ARL6IP1: variants seen among roughly 807,000 people sequenced by gnomAD.
ARL6IP1 encodes ARL6 interacting reticulophagy regulator 1.
Under a neutral mutation model 30.1 loss-of-function variants are expected in ARL6IP1, and 16 were observed. The ratio of observed to expected loss-of-function variants is 0.53; its 90% confidence interval spans 0.36 to 0.81. The LOEUF (loss-of-function observed/expected upper bound fraction) is 0.81, where lower values mean the gene tolerates loss of function less well. ARL6IP1 is among the 30% of genes least tolerant of loss of function. The probability of loss-of-function intolerance (pLI) is 0.01; values close to 1 mark genes in which losing one functional copy is unlikely to be tolerated. For missense variants in ARL6IP1, 173 were observed against 242.7 expected, an observed-to-expected ratio of 0.71 and a Z score of 1.91; for synonymous variants, 72 against 84.8, an observed-to-expected ratio of 0.85 and a Z score of 0.83.
chr16:18,796,179 G>A lies in ARL6IP1; in HGVS notation c.291-598C>T, dbSNP rs1239558394. Among the ~76,000 whole-genome samples the A allele has an allele frequency of 2.0e-5, 3 of 152,096 alleles. No individual in the cohort carries two copies. The East Asian group carries it at 5.8e-4, about 29-fold the overall frequency. Reference sequence around the variant, plus strand: ...ACACAGCAGTAAAAATCCAACAAGAGACCCTCCAAGAAAACCTTTTATATT... The same window carrying A: ...ACACAGCAGTAAAAATCCAACAAGAAACCCTCCAAGAAAACCTTTTATATT... On this transcript the variant is annotated intron_variant, in intron 3 of 5. Transcript: ENST00000304414.
intron 2 of ARL6IP1, 119 bp downstream of exon 2, chr16:18,798,582 G>A: frequency 1.9e-6 from 2 of 1,071,822 alleles, no homozygotes; most frequent in Non-Finnish European, 1.3e-6. Flanking sequence ...ATTCTTTATG[G>A]GTTCTTTATG....
In ARL6IP1 at chr16:18,801,527, A is replaced by C. The variant is rs542232029; in HGVS notation, c.-61T>G. ...CCTCCCCAACGAGTCCTCCAACCGA[A>C]ACCCGCACACCAACCACAACCCGAG... On this transcript the variant is annotated 5_prime_UTR_variant, in exon 1 of 6. Transcript: ENST00000304414. The C allele has an allele frequency of 1.9e-6, 3 of 1,591,818 alleles. No individual in the cohort carries two copies. Among genetic ancestry groups the C allele is most frequent in the Admixed American group, 3.6e-5 (2 of 54,800 alleles).
At chr16:18,797,580 G>A (rs2030280459) in intron 3 of ARL6IP1, 1 of 182,246 alleles carries the variant, frequency 5.5e-6, no homozygotes, top group African/African-American at 2.4e-5. Flanking sequence ...GCCTGCCACA[G>A]TAGGCATTTA....
In ARL6IP1 at chr16:18,793,232, C is replaced by A. The variant is rs759546317; in HGVS notation, c.*20G>T. 6.7e-7 allele frequency: 1 copy of A among 1,487,104 alleles called. No homozygotes were observed. The highest frequency in any genetic ancestry group is 9.4e-7 in the Non-Finnish European group (1 of 1,069,076). The allele number at this position is 1,487,104 out of a possible 1,614,324, so 92.1% of individuals were successfully genotyped here. A position where few individuals can be genotyped will look rare whatever the true frequency, so the allele number is the denominator to read the frequency against. The stretch of plus-strand genomic sequence containing the variant: ...GGGGCAATGGGTGCTGCATTAATCA[C>A]ACTGATTAAAGCAGATGAATCATTC... On this transcript the variant is annotated 3_prime_UTR_variant, in exon 6 of 6. Coordinates refer to ENST00000304414, the MANE Select transcript of ARL6IP1 (RefSeq NM_015161.3).
chr16:18,798,603 T>C (rs1489264378), intron 2 of ARL6IP1, 98 bp downstream of exon 2: 1 of 1,346,226 alleles, frequency 7.4e-7, no homozygotes, highest in East Asian at 2.4e-5. Context: ...GGTTATATAT[T>C]ACAGAAGACT....
At chr16:18,798,311 G>T (rs1219742628) in intron 2 of ARL6IP1, 1 of 343,978 alleles carries the variant, frequency 2.9e-6, no homozygotes, top group African/African-American at 2.1e-5. Flanking sequence ...ACTAGGGGAG[G>T]GATAGCATTA....
In ARL6IP1 at chr16:18,793,257, C is replaced by T. The variant is rs369888132; in HGVS notation, c.607G>A (p.Glu203Lys). 109 of 1,601,762 alleles carry T rather than the reference C, an allele frequency of 6.8e-5. No individual in the cohort carries two copies. The highest frequency in any genetic ancestry group is 8.9e-5 in the Non-Finnish European group (104 of 1,171,136). ...KLLKQKEKKN[E>K] ...CACTGATTAAAGCAGATGAATCATT[C>T]GTTTTTCTTTTCTTTTTGTTTGAGA... Residue 203 changes from glutamate (E) to lysine (K), a missense_variant, in exon 6 of 6, where the codon GAA becomes AAA. By Grantham distance (56) the Glu-to-Lys change is moderately conservative. Transcript: ENST00000304414.
chr16:18,797,717 C>A, intron 3 of ARL6IP1: 1 of 480,558 alleles, frequency 2.1e-6, no homozygotes, highest in Admixed American at 3.9e-5. Context: ...TGTATATGTG[C>A]ATTTACCATA....
intron 4 of ARL6IP1, 97 bp downstream of exon 4, chr16:18,795,359 GAATTAACC>G (rs2030198287): frequency 2.8e-6 from 2 of 703,970 alleles, no homozygotes; most frequent in Admixed American, 4.5e-5. Context: ...ATGTACTTAG[GAATTAACC>G]AATGAATAAT....
At chr16:18,797,831 A>C in intron 3 of ARL6IP1, 94 bp downstream of exon 3, 1 of 1,437,888 alleles carries the variant, frequency 7.0e-7, no homozygotes, top group East Asian at 2.4e-5. Flanking sequence ...TGATGGTTAG[A>C]CAATTATCTC....
At chr16:18,797,552 T>C (rs1053829858) in intron 3 of ARL6IP1, among the ~76,000 whole-genome samples, 2 of 152,130 alleles carry the variant, frequency 1.3e-5, no homozygotes, top group Non-Finnish European at 2.9e-5. Flanking sequence ...GTCAAAATAT[T>C]TCACAGTACT....
At chr16:18,797,673 T>G (rs1382133680) in intron 3 of ARL6IP1, 4 of 298,052 alleles carry the variant, frequency 1.3e-5, no homozygotes, top group Non-Finnish European at 2.4e-5. Context: ...GTGAAGTTAT[T>G]ATACTATCCT....
At position 18,792,540 on chromosome 16, in the gene ARL6IP1, T is replaced by C. The variant is rs2030096423; in HGVS notation, c.*712A>G. 2 of 152,302 alleles carry C rather than the reference T, an allele frequency of 1.3e-5. No individual in the cohort carries two copies. Among genetic ancestry groups the C allele is most frequent in the Admixed American group, 1.3e-4 (2 of 15,284 alleles). The allele number at this position is 152,302 out of a possible 1,614,324, so 9.4% of individuals were successfully genotyped here. On this transcript the variant is annotated 3_prime_UTR_variant, in exon 6 of 6. Coordinates refer to ENST00000304414, the MANE Select transcript of ARL6IP1 (RefSeq NM_015161.3). ...AATGCAATCTTTTGGAAGTCTGCTA[T>C]TAAAAAGCCTTTAAGGATTTACTAA...
rs564570790 is a variant in ARL6IP1, at chr16:18,791,759, G to A, written c.*1493C>T. 1.3e-5 allele frequency: 2 copies of A among 152,498 alleles called. No individual in the cohort carries two copies. The highest frequency in any genetic ancestry group is 2.9e-5 in the Non-Finnish European group (2 of 68,020). 9.4% of individuals were successfully genotyped at this position (152,498 alleles called of 1,614,324 possible). A position where few individuals can be genotyped will look rare whatever the true frequency, so the allele number is the denominator to read the frequency against. On this transcript the variant is annotated 3_prime_UTR_variant, in exon 6 of 6. Coordinates refer to ENST00000304414, the MANE Select transcript of ARL6IP1 (RefSeq NM_015161.3). ...TTAAAACTGCAAAAGTAGTTAATCA[G>A]TAGAATATGTATGCACACAAAAAAT...
intron 5 of ARL6IP1, 60 bp from the exon 6 acceptor site, chr16:18,793,430 ACTTT>A: frequency 3.8e-5 from 34 of 897,298 alleles, no homozygotes; most frequent in Non-Finnish European, 4.9e-5. Context: ...AAAGGTTATT[ACTTT>A]TTTTTTTTTT....
At chr16:18,795,627 G>T in intron 3 of ARL6IP1, 46 bp from the exon 4 acceptor site, 2 of 1,292,098 alleles carry the variant, frequency 1.5e-6, no homozygotes, top group African/African-American at 1.5e-5. Flanking sequence ...CGTTACAGTA[G>T]ACAAAAACAT....
chr16:18,795,511 C>T lies in ARL6IP1; in HGVS notation c.361G>A (p.Gly121Ser). 1 of 1,613,560 alleles carries T rather than the reference C, an allele frequency of 6.2e-7. No individual in the cohort carries two copies. The highest frequency in any genetic ancestry group is 8.5e-7 in the Non-Finnish European group (1 of 1,179,884). ...AGTGTGAAGAGGCGTTTCCACCAAC[C>T]CACAGCTCTGCGTCGAGTTTTTACT... ...NLVKTRRRAV[G>S]WWKRLFTLKE... The change falls in exon 4 of 6, where the codon GGT becomes AGT. Residue 121 changes from glycine to serine, a missense_variant. Physicochemically the swap from Gly to Ser is moderately conservative, Grantham distance 56. Transcript: ENST00000304414.
intron 2 of ARL6IP1, 42 bp downstream of exon 2, chr16:18,798,659 T>G: frequency 6.3e-7 from 1 of 1,587,578 alleles, no homozygotes; most frequent in South Asian, 1.2e-5. Flanking sequence ...AAGTCTTTAT[T>G]AATAAGAAGC....
At position 18,798,244 on chromosome 16, in the gene ARL6IP1, T is replaced by C. The variant is rs2030301293; in HGVS notation, c.171-200A>G. 3.7e-5 allele frequency: 17 copies of C among 463,240 alleles called. No individual in the cohort carries two copies. The Admixed American group carries it at 6.9e-4, about 19-fold the overall frequency. The allele number at this position is 463,240 out of a possible 1,614,324, so 28.7% of individuals were successfully genotyped here. A position where few individuals can be genotyped will look rare whatever the true frequency, so the allele number is the denominator to read the frequency against. The stretch of plus-strand genomic sequence containing the variant: ...GCTGCAGTGGTTAAGTATATATCAA[T>C]GGACAAAAGCTCTTTGGAGTTCTCA... On this transcript the variant is annotated intron_variant, in intron 2 of 5. Transcript: ENST00000304414.
Sources: gnomAD v4.1 joint callset for allele counts (sites outside exome capture counted in the v4.1 genomes callset) on GRCh38, gnomAD v4.1.1 for gene constraint, MANE v1.5 for transcripts, NCBI Gene and HGNC (gene_info 2026-07-23, HGNC 2026-07-21) for gene names.